Variants in WDR13 observed in about 807,000 individuals in gnomAD.
The protein encoded by WDR13 is WD repeat domain 13.
In WDR13, 1 loss-of-function variant was observed where a neutral mutation model predicts 28.6. That is an observed-to-expected ratio of 0.03 (90% CI 0.01 to 0.17). WDR13 has a LOEUF of 0.17. Ranked by LOEUF, WDR13 falls within the 10% of genes least tolerant of loss-of-function variation. WDR13 has a pLI of 1.00. For missense variants in WDR13, 264 were observed against 469.3 expected, an observed-to-expected ratio of 0.56 and a Z score of 4.04; for synonymous variants, 201 against 185.9, an observed-to-expected ratio of 1.08 and a Z score of -0.66.
In WDR13 at chrX:48,604,334, A is replaced by G. The variant is rs782462328; in HGVS notation, c.1217A>G (p.His406Arg). The change falls in exon 9 of 10, where the codon CAT (histidine) becomes CGT (arginine). Residue 406 changes from histidine (H) to arginine (R), a missense_variant. By Grantham distance (29) the His-to-Arg change is conservative (BLOSUM62 0). Coordinates refer to ENST00000376729, the MANE Select transcript of WDR13 (RefSeq NM_001347217.2). ...KRSFPIEQSS[H>R]PVRSIFCPLM... is the part of the protein sequence containing the mutation. ...AGCTTCCCCATCGAGCAGAGCTCACATCCTGTGCGCAGCATCTTCTGTCCC... is the reference window on the plus strand; with the variant it reads ...AGCTTCCCCATCGAGCAGAGCTCACGTCCTGTGCGCAGCATCTTCTGTCCC... The G allele has an allele frequency of 5.0e-6, 6 of 1,209,525 alleles. No homozygotes were observed. The highest frequency in any genetic ancestry group is 1.7e-5 in the African/African-American group (1 of 57,319).
rs1326902016 is a variant in WDR13, at chrX:48,604,522, A to T, written c.1273+132A>T. ...ACCTCATGACCCCTCCTGCCCCAAC[A>T]GCCTCACTGTGGAACTCACAGCTCC... On this transcript the variant is annotated intron_variant, in intron 9 of 9. Coordinates refer to ENST00000376729, the MANE Select transcript of WDR13 (RefSeq NM_001347217.2). 9 of 539,806 alleles carry T rather than the reference A, an allele frequency of 1.7e-5. No individual in the cohort carries two copies. The Admixed American group carries it at 2.1e-4, about 12-fold the overall frequency. 44.5% of individuals were successfully genotyped at this position (539,806 alleles called of 1,213,427 possible).
Position 48,601,882 on chromosome X carries a change from G to A in WDR13, c.930G>A (p.Leu310=). ...AGCTGACAGGCCGTGTCCTTGCTCTGTCCTTTGATGCCCCTGGCCGGCTGC... is the reference window on the plus strand; with the variant it reads ...AGCTGACAGGCCGTGTCCTTGCTCTATCCTTTGATGCCCCTGGCCGGCTGC... ...SSKLTGRVLA[L]SFDAPGRLLW... The change falls in exon 7 of 10, where the codon CTG becomes CTA. Residue 310 remains leucine (L), a synonymous_variant. Transcript: ENST00000376729. 8.3e-7 allele frequency: 1 copy of A among 1,207,386 alleles called. No individual in the cohort carries two copies. The highest frequency in any genetic ancestry group is 1.1e-6 in the Non-Finnish European group (1 of 892,735).
Position 48,605,367 on chromosome X carries a change from A to G in WDR13, c.*335A>G, listed in dbSNP as rs2062215967. ...AGGAACTGTTCTAGGCACTGGGGAT[A>G]CTGCTCTGACCTAAACTGATGGAAA... On this transcript the variant is annotated 3_prime_UTR_variant, in exon 10 of 10. Coordinates refer to ENST00000376729, the MANE Select transcript of WDR13 (RefSeq NM_001347217.2). 8.5e-6 allele frequency: 2 copies of G among 235,011 alleles called. No individual in the cohort carries two copies. The highest frequency in any genetic ancestry group is 7.4e-5 in the East Asian group (1 of 13,605). The allele number at this position is 235,011 out of a possible 1,213,427, so 19.4% of individuals were successfully genotyped here.
chrX:48,604,440 C>G (rs1182281954), intron 9 of WDR13, 50 bp downstream of exon 9: 1 of 1,108,714 alleles, frequency 9.0e-7, no homozygotes, highest in Non-Finnish European at 1.2e-6. Context: ...GGGGCAGGAA[C>G]CAGGGCTGGT....
intron 3 of WDR13, 112 bp from the exon 4 acceptor site, chrX:48,599,241 A>G (rs1320183910): frequency 9.1e-6 from 6 of 659,240 alleles, no homozygotes; most frequent in Non-Finnish European, 1.4e-5. Flanking sequence ...TGGTGGTGGC[A>G]GGGGACACAG....
Position 48,600,315 on chromosome X carries a change from G to T in WDR13, c.524-4G>T. 8.5e-7 allele frequency: 1 copy of T among 1,182,141 alleles called. No homozygotes were observed. On this transcript the variant is annotated splice_region_variant and splice_polypyrimidine_tract_variant and intron_variant, in intron 5 of 9. Transcript: ENST00000376729. Reference sequence around the variant, plus strand: ...TTCCCACTAATGGCTTCTTGGCATTGCAGTCCCAAGGGTGCGCTTCGCCAA... The same window carrying T: ...TTCCCACTAATGGCTTCTTGGCATTTCAGTCCCAAGGGTGCGCTTCGCCAA...
Position 48,601,777 on chromosome X carries a change from C to T in WDR13, c.832-7C>T, listed in dbSNP as rs2062187862. 1 of 1,162,087 alleles carries T rather than the reference C, an allele frequency of 8.6e-7. No homozygotes were observed. The highest frequency in any genetic ancestry group is 1.2e-6 in the Non-Finnish European group (1 of 867,844). ...GCAGGATGATGGTCTGTGCATTCTCCCCACAGGTGGGGAACGCCAAGCACA... is the reference window on the plus strand; with the variant it reads ...GCAGGATGATGGTCTGTGCATTCTCTCCACAGGTGGGGAACGCCAAGCACA... On this transcript the variant is annotated splice_polypyrimidine_tract_variant and splice_region_variant and intron_variant, in intron 6 of 9. Coordinates refer to ENST00000376729, the MANE Select transcript of WDR13 (RefSeq NM_001347217.2).
In WDR13 at chrX:48,604,933, T is replaced by C. The variant is rs2062212708; in HGVS notation, c.1359T>C (p.Ser453=). The C allele has an allele frequency of 5.8e-6, 7 of 1,210,330 alleles. No homozygotes were observed. The South Asian group carries it at 8.8e-5, about 15-fold the overall frequency. The change falls in exon 10 of 10, where the codon AGT becomes AGC. Residue 453 remains serine, a synonymous_variant. Transcript: ENST00000376729. The stretch of plus-strand genomic sequence containing the variant: ...CTGTCAACAAGCTGCAGGGCCACAG[T>C]GCACCTGTGCTTGATGTCAGCTTCA... ...KAAVNKLQGH[S]APVLDVSFNC...
intron 2 of WDR13, 104 bp downstream of exon 2, chrX:48,598,141 G>T (rs1342660687): frequency 1.7e-6 from 2 of 1,145,777 alleles, no homozygotes; most frequent in Non-Finnish European, 2.3e-6. Flanking sequence ...CGGCTGCGTG[G>T]GCATGCCGGA....
chrX:48,604,812 G>A, intron 9 of WDR13, 36 bp from the exon 10 acceptor site: 1 of 1,189,489 alleles, frequency 8.4e-7, no homozygotes, highest in Non-Finnish European at 1.1e-6. Flanking sequence ...GGCACCCCAG[G>A]CGCCTCCCGA....
At chrX:48,599,160 G>A in intron 3 of WDR13, 193 bp from the exon 4 acceptor site, 1 of 693,092 alleles carries the variant, frequency 1.4e-6, no homozygotes, top group Non-Finnish European at 2.1e-6. Context: ...TTTAGTATCT[G>A]CTGAGCAGGG....
intron 5 of WDR13, 62 bp downstream of exon 5, chrX:48,599,779 A>G (rs1556993890): frequency 1.7e-6 from 2 of 1,195,124 alleles, no homozygotes; most frequent in Non-Finnish European, 2.3e-6. Flanking sequence ...CAACCAACCA[A>G]GGCATCCTTT....
intron 6 of WDR13, 106 bp downstream of exon 6, chrX:48,600,732 C>T: frequency 2.3e-6 from 2 of 864,896 alleles, no homozygotes; most frequent in Non-Finnish European, 3.2e-6. Flanking sequence ...GGCCTAGGAC[C>T]CCCCCACCCC....
Position 48,599,360 on chromosome X carries a change from A to T in WDR13, c.290A>T (p.Glu97Val). 8.4e-7 allele frequency: 1 copy of T among 1,192,529 alleles called. No individual in the cohort carries two copies. Among genetic ancestry groups the T allele is most frequent in the South Asian group, 1.8e-5 (1 of 54,313 alleles). The change falls in exon 4 of 10, where the codon GAG becomes GTG. Residue 97 changes from glutamate (E) to valine (V), a missense_variant. Physicochemically the swap from Glu to Val is moderately radical, Grantham distance 121. Around this residue, in one of 4 missense-constraint regions of WDR13, gnomAD observed 74 missense variants for 89.3 expected, o/e 0.83. Transcript: ENST00000376729. ...RTTLDRMEDFEDDPRALGARG... is the reference protein window; with the variant it reads ...RTTLDRMEDFVDDPRALGARG... ...GACCCTCTCCATTTGCAGGACTTTG[A>T]GGATGATCCTCGGGCCCTGGGGGCC...
At chrX:48,604,056 T>G (rs2062205175) in intron 8 of WDR13, 1 of 377,763 alleles carries the variant, frequency 2.6e-6, no homozygotes, top group Non-Finnish European at 4.6e-6. Flanking sequence ...GGAGGATCAC[T>G]TGAGCCTAGG....
rs1168056178 is a variant in WDR13, at chrX:48,598,173, G to A, written c.41+136G>A. The A allele has an allele frequency of 1.3e-5, 15 of 1,132,450 alleles. No homozygotes were observed. The East Asian group carries it at 4.4e-4, about 33-fold the overall frequency. 93.3% of individuals were successfully genotyped at this position (1,132,450 alleles called of 1,213,427 possible). ...CGGAGGTGAGCATGCGCAGTAGCGG[G>A]GGCGGGCACGCCCGCGGTGAGTTGG... On this transcript the variant is annotated intron_variant, in intron 2 of 9. Transcript: ENST00000376729.
chrX:48,599,758 C>T (rs1158051455), intron 5 of WDR13, 41 bp downstream of exon 5: 1 of 1,204,666 alleles, frequency 8.3e-7, no homozygotes, highest in Non-Finnish European at 1.1e-6. Context: ...AAGCGTTTGC[C>T]CAAACTGTGA....
At chrX:48,597,897 G>A in intron 1 of WDR13, 61 bp from the exon 2 acceptor site, 2 of 1,103,188 alleles carry the variant, frequency 1.8e-6, no homozygotes, top group Non-Finnish European at 2.4e-6. Context: ...TCGCCTGGTG[G>A]AAGGGACGGA....
intron 9 of WDR13, 94 bp downstream of exon 9, chrX:48,604,484 C>G: frequency 1.3e-6 from 1 of 756,464 alleles, no homozygotes; most frequent in South Asian, 2.5e-5. Context: ...ACACCGATGC[C>G]CTGACTTCCT....
Sources: gnomAD v4.1 joint callset for allele counts on GRCh38, gnomAD v4.1.1 for gene constraint, gnomAD v4.1.1 regional missense constraint, MANE v1.5 for transcripts, NCBI Gene and HGNC (gene_info 2026-07-23, HGNC 2026-07-21) for gene names.